TIMM44: variants seen among roughly 807,000 people sequenced by gnomAD.
TIMM44 encodes translocase of inner mitochondrial membrane 44.
TIMM44 carries 37 observed loss-of-function variants against 63.8 expected under a neutral mutation model. That is an observed-to-expected ratio of 0.58 (90% CI 0.45 to 0.76). TIMM44 has a LOEUF of 0.76. Among genes scored for constraint, TIMM44 ranks in the 30% least tolerant of loss-of-function variants. The pLI is 0.00. For missense variants in TIMM44, 573 were observed against 603.8 expected, an observed-to-expected ratio of 0.95 and a Z score of 0.54; for synonymous variants, 239 against 245.1, an observed-to-expected ratio of 0.98 and a Z score of 0.23.
At chr19:7,932,961 A>G (rs1984031271) in intron 7 of TIMM44, 29 bp from the exon 8 acceptor site, 1 of 1,595,046 alleles carries the variant, frequency 6.3e-7, no homozygotes, top group African/African-American at 1.3e-5. Flanking sequence ...GTGCTGGAGA[A>G]GGGGCCCCTT....
Position 7,942,303 on chromosome 19 carries a change from T to C in TIMM44, c.46-1106A>G, listed in dbSNP as rs891539479. Among the ~76,000 whole-genome samples the C allele has an allele frequency of 8.5e-5, 13 of 152,048 alleles. 1 individual carries two copies. The highest frequency in any genetic ancestry group is 7.9e-4 in the Admixed American group (12 of 15,254). ...AGCCGAGATCTTGCCTTAAGTTCTG[T>C]GCAGGCACTGAGCTGGTGGCTCATG... is the stretch of plus-strand genomic sequence containing the variant. On this transcript the variant is annotated intron_variant, in intron 1 of 12. Coordinates refer to ENST00000270538, the MANE Select transcript of TIMM44 (RefSeq NM_006351.4).
chr19:7,937,709 T>C, intron 3 of TIMM44: 1 of 342,888 alleles, frequency 2.9e-6, no homozygotes, highest in Admixed American at 4.5e-5. Context: ...AACAAACATG[T>C]CAACCAAGAA....
chr19:7,933,672 A>G lies in TIMM44; in HGVS notation c.684-102T>C. 1 of 1,312,328 alleles carries G rather than the reference A, an allele frequency of 7.6e-7. No individual in the cohort carries two copies. Among genetic ancestry groups the G allele is most frequent in the Non-Finnish European group, 1.1e-6 (1 of 910,816 alleles). 81.3% of individuals were successfully genotyped at this position (1,312,328 alleles called of 1,614,324 possible). On this transcript the variant is annotated intron_variant, in intron 6 of 12. Coordinates refer to ENST00000270538, the MANE Select transcript of TIMM44 (RefSeq NM_006351.4). The surrounding 1 kb of genome is among the most constrained non-coding windows in gnomAD (Gnocchi z 4.3). ...GGCAGTACAGGACAGCAGGCAGCTG[A>G]GACCTCAAACCTAGGGGCTCTGAGG...
rs34425383 is a variant in TIMM44, at chr19:7,928,074, T to C, written c.1128+3A>G. On this transcript the variant is annotated splice_donor_region_variant and intron_variant, in intron 11 of 12. Transcript: ENST00000270538. ...GCCCGGGCCCCCACTGCGAGGTGCT[T>C]ACGTCGACGTTGTCAATGTCTAGGA... 114,371 of 1,612,756 alleles carry C rather than the reference T, an allele frequency of 0.071. 4,228 individuals carry two copies. The highest frequency in any genetic ancestry group is 0.11 in the African/African-American group (8,387 of 75,004).
At position 7,933,865 on chromosome 19, in the gene TIMM44, C is replaced by G; in HGVS notation, c.682G>C (p.Glu228Gln). The G allele has an allele frequency of 1.9e-6, 3 of 1,614,096 alleles. No homozygotes were observed. The highest frequency in any genetic ancestry group is 2.5e-6 in the Non-Finnish European group (3 of 1,180,018). The change falls in exon 6 of 13, where the codon GAG becomes CAG. Residue 228 changes from glutamate to glutamine, a missense_variant and splice_region_variant. Physicochemically the swap from Glu to Gln is conservative, Grantham distance 29. Coordinates refer to ENST00000270538, the MANE Select transcript of TIMM44 (RefSeq NM_006351.4). This position sits in a 1 kb window ranked among gnomAD's most constrained non-coding sequence, Gnocchi z 4.3. The stretch of plus-strand genomic sequence containing the variant: ...CGAGGGCCACGGGCTGGTACCTACT[C>G]GTTTGGCTCAAACACTTTCTCCTCC... ...FKEEKVFEPN[E>Q]EALGVVLHKD... is the part of the protein sequence containing the mutation.
At position 7,932,858 on chromosome 19, in the gene TIMM44, T is replaced by C. The variant is rs756309759; in HGVS notation, c.844A>G (p.Lys282Glu). 2 of 1,614,156 alleles carry C rather than the reference T, an allele frequency of 1.2e-6. No individual in the cohort carries two copies. The highest frequency in any genetic ancestry group is 1.7e-5 in the Admixed American group (1 of 60,024). Reference protein sequence around the residue: ...FIRASRALTDKVTDLLGGLFS... With the variant: ...FIRASRALTDEVTDLLGGLFS... ...CACTCACCCAGCAAGTCGGTGACCT[T>C]GTCCGTAAGGGCCCGGGATGCCCGG... Residue 282 changes from lysine (K) to glutamate (E), a missense_variant, in exon 8 of 13, where the codon AAG becomes GAG. Lys to Glu is a moderately conservative substitution (Grantham distance 56). Transcript: ENST00000270538.
At position 7,933,765 on chromosome 19, in the gene TIMM44, G is replaced by C; in HGVS notation, c.683+99C>G. On this transcript the variant is annotated intron_variant, in intron 6 of 12. Coordinates refer to ENST00000270538, the MANE Select transcript of TIMM44 (RefSeq NM_006351.4). This position sits in a 1 kb window ranked among gnomAD's most constrained non-coding sequence, Gnocchi z 4.3. ...AACCTTGGGCAGAAGGCAAACTCAA[G>C]AAACGGACTCAGGAGGGAACCATTG... 6.4e-7 allele frequency: 1 copy of C among 1,570,598 alleles called. No individual in the cohort carries two copies. Among genetic ancestry groups the C allele is most frequent in the Non-Finnish European group, 8.7e-7 (1 of 1,147,230 alleles).
rs1379874048 is a variant in TIMM44 at position 7,943,559 on chromosome 19, C to T, written c.45+48G>A. Reference sequence around the variant, plus strand: ...AGAAGAAAGCCTTGGTGGCCGAAGGCCCAGAAGACCCCTAAGCTCGCCCTG... The same window carrying T: ...AGAAGAAAGCCTTGGTGGCCGAAGGTCCAGAAGACCCCTAAGCTCGCCCTG... On this transcript the variant is annotated intron_variant, in intron 1 of 12. Coordinates refer to ENST00000270538, the MANE Select transcript of TIMM44 (RefSeq NM_006351.4). The surrounding 1 kb of genome is among the most constrained non-coding windows in gnomAD (Gnocchi z 4.3). 1.3e-6 allele frequency: 2 copies of T among 1,556,406 alleles called. No individual in the cohort carries two copies. The highest frequency in any genetic ancestry group is 1.7e-6 in the Non-Finnish European group (2 of 1,156,216).
At position 7,934,029 on chromosome 19, in the gene TIMM44, G is replaced by C; in HGVS notation, c.544-26C>G. 1 of 1,613,720 alleles carries C rather than the reference G, an allele frequency of 6.2e-7. No individual in the cohort carries two copies. Among genetic ancestry groups the C allele is most frequent in the Non-Finnish European group, 8.5e-7 (1 of 1,179,994 alleles). On this transcript the variant is annotated intron_variant, in intron 5 of 12. Coordinates refer to ENST00000270538, the MANE Select transcript of TIMM44 (RefSeq NM_006351.4). The surrounding 1 kb of genome is among the most constrained non-coding windows in gnomAD (Gnocchi z 5.3). ...CTGCGAGGGAGGCACAGCGGGGCTGGGGTGGGTGTCTGGGTTCGGCCGCCC... is the reference window on the plus strand; with the variant it reads ...CTGCGAGGGAGGCACAGCGGGGCTGCGGTGGGTGTCTGGGTTCGGCCGCCC...
intron 10 of TIMM44, chr19:7,928,448 C>T: frequency 2.1e-6 from 1 of 479,044 alleles, no homozygotes; most frequent in East Asian, 3.6e-5. Flanking sequence ...CCCAAATCTA[C>T]TCCCAGGGCT....
chr19:7,932,515 A>G, intron 9 of TIMM44, 112 bp downstream of exon 9: 1 of 1,486,068 alleles, frequency 6.7e-7, no homozygotes, highest in South Asian at 1.2e-5. Context: ...TCCTCAGAAA[A>G]CAGCCTCGGC....
chr19:7,938,238 T>C (rs769695973), intron 2 of TIMM44, 41 bp from the exon 3 acceptor site: 60 of 1,540,042 alleles, frequency 3.9e-5, no homozygotes, highest in Non-Finnish European at 5.0e-5. Flanking sequence ...AAGAACATAG[T>C]AGAACATAGA....
At chr19:7,927,334 T>C (rs762699539) in intron 12 of TIMM44, 28 bp from the exon 13 acceptor site, 8 of 1,605,628 alleles carry the variant, frequency 5.0e-6, no homozygotes, top group Non-Finnish European at 6.8e-6. Context: ...AAGGGCACTG[T>C]TGAGAGGGTT....
Position 7,933,883 on chromosome 19 carries a change from TCTC to T in TIMM44, c.661_663del (p.Glu221del). 4 of 1,614,112 alleles carry T rather than the reference TCTC, an allele frequency of 2.5e-6. No individual in the cohort carries two copies. The highest frequency in any genetic ancestry group is 3.4e-6 in the Non-Finnish European group (4 of 1,180,004). On this transcript the variant is annotated inframe_deletion, in exon 6 of 13. Coordinates refer to ENST00000270538, the MANE Select transcript of TIMM44 (RefSeq NM_006351.4). The surrounding 1 kb of genome is among the most constrained non-coding windows in gnomAD (Gnocchi z 4.3). ...ACCTACTCGTTTGGCTCAAACACTTTCTCCTCCTTGAACTTATCTCCCGCAAAC... is the reference window on the plus strand; with the variant it reads ...ACCTACTCGTTTGGCTCAAACACTTTCTCCTTGAACTTATCTCCCGCAAAC...
rs1020737756 is a variant in TIMM44 at position 7,943,195 on chromosome 19, A to G, written c.45+412T>C. Among the ~76,000 whole-genome samples, 2 of 152,128 alleles carry G rather than the reference A, an allele frequency of 1.3e-5. No homozygotes were observed. The highest frequency in any genetic ancestry group is 4.8e-5 in the African/African-American group (2 of 41,424). On this transcript the variant is annotated intron_variant, in intron 1 of 12. Coordinates refer to ENST00000270538, the MANE Select transcript of TIMM44 (RefSeq NM_006351.4). This position sits in a 1 kb window ranked among gnomAD's most constrained non-coding sequence, Gnocchi z 4.3. Reference sequence around the variant, plus strand: ...ACCACCTCTCGCACATCCACAATGAACGTTAGAAGAAACGAGACAAGAAAT... The same window carrying G: ...ACCACCTCTCGCACATCCACAATGAGCGTTAGAAGAAACGAGACAAGAAAT...
chr19:7,927,612 G>T (rs747471154), intron 12 of TIMM44, 45 bp downstream of exon 12: 1 of 1,568,056 alleles, frequency 6.4e-7, no homozygotes, highest in Non-Finnish European at 8.8e-7. Flanking sequence ...AGATCTTGGG[G>T]ACAGGCGGTG....
At chr19:7,927,872 C>G in intron 11 of TIMM44, 105 bp from the exon 12 acceptor site, 2 of 1,259,936 alleles carry the variant, frequency 1.6e-6, no homozygotes, top group Non-Finnish European at 2.3e-6. Flanking sequence ...GGCTCCAGCA[C>G]CAGGCCCAGC....
chr19:7,932,097 A>G (rs1313444736), intron 9 of TIMM44, among the ~76,000 whole-genome samples: 1 of 152,176 alleles, frequency 6.6e-6, no homozygotes, highest in Non-Finnish European at 1.5e-5. Context: ...GGCAGCAGGG[A>G]AGACAAGAGG....
chr19:7,937,105 AAAC>A (rs375908343), intron 3 of TIMM44, among the ~76,000 whole-genome samples: 50 of 151,510 alleles, frequency 3.3e-4, no homozygotes, highest in African/African-American at 7.3e-4. Flanking sequence ...CTGCTTCAAA[AAAC>A]AACAACAACA....
Sources: gnomAD v4.1 joint callset for allele counts (sites outside exome capture counted in the v4.1 genomes callset) on GRCh38, gnomAD v4.1.1 for gene constraint, Gnocchi (gnomAD v3.1) non-coding constraint, MANE v1.5 for transcripts, NCBI Gene and HGNC (gene_info 2026-07-23, HGNC 2026-07-21) for gene names.